The following BIRC6 variants were observed in gnomAD, a reference collection of about 807,000 sequenced individuals.
BIRC6 encodes baculoviral IAP repeat containing 6.
A neutral mutation model predicts 503.3 loss-of-function variants in BIRC6; 98 were observed. The ratio of observed to expected loss-of-function variants is 0.19; its 90% CI spans 0.17 to 0.23. The LOEUF (loss-of-function observed/expected upper bound fraction) is 0.23. Ranked by LOEUF, BIRC6 falls within the 10% of genes least tolerant of loss-of-function variation. The probability of loss-of-function intolerance (pLI) is 1.00; values close to 1 mark genes in which losing one functional copy is unlikely to be tolerated. For missense variants in BIRC6, 5,360 were observed against 5,806.0 expected, an observed-to-expected ratio of 0.92 and a Z score of 2.50; for synonymous variants, 2,240 against 2,078.7, an observed-to-expected ratio of 1.08 and a Z score of -2.11.
At chr2:32,437,800 T>C (rs2044896747) in intron 15 of BIRC6, among the ~76,000 whole-genome samples, 1 of 152,222 alleles carries the variant, frequency 6.6e-6, no homozygotes, top group African/African-American at 2.4e-5. Flanking sequence ...TTGTGCTTTC[T>C]TATTGTCATT....
chr2:32,398,869 A>G (rs2040279871), intron 6 of BIRC6, among the ~76,000 whole-genome samples: 1 of 152,100 alleles, frequency 6.6e-6, no homozygotes, highest in African/African-American at 2.4e-5. Context: ...GTGCACTGTA[A>G]AAGGATTTAG....
intron 22 of BIRC6, among the ~76,000 whole-genome samples, chr2:32,453,293 A>T (rs2046906213): frequency 6.6e-6 from 1 of 152,180 alleles, no homozygotes; most frequent in African/African-American, 2.4e-5. Flanking sequence ...TATAAAACTG[A>T]TAATATGAAC....
intron 49 of BIRC6, among the ~76,000 whole-genome samples, chr2:32,504,554 C>G (rs1011325830): frequency 2.0e-5 from 3 of 151,942 alleles, no homozygotes; most frequent in African/African-American, 7.3e-5. Flanking sequence ...GTAGTCCCAG[C>G]TACTCGGGAG....
At chr2:32,369,025 G>T (rs985086820) in intron 1 of BIRC6, among the ~76,000 whole-genome samples, 1 of 152,152 alleles carries the variant, frequency 6.6e-6, no homozygotes, top group Non-Finnish European at 1.5e-5. Flanking sequence ...GAGGATGATG[G>T]TATATTAAAT....
intron 66 of BIRC6, among the ~76,000 whole-genome samples, chr2:32,582,464 TG>T (rs1265479242): frequency 1.3e-5 from 2 of 152,098 alleles, no homozygotes; most frequent in Non-Finnish European, 2.9e-5. Flanking sequence ...CCAAAGGTTT[TG>T]GTAAGAATGA....
In BIRC6 at chr2:32,468,803, A is replaced by G. The variant is rs768571541; in HGVS notation, c.6127+20A>G. ...CTAATGGTTTGTATTTGGCTTACAT[A>G]TTTTAAAGGCTGGGAATATACTTGA... On this transcript the variant is annotated intron_variant, in intron 29 of 73. Coordinates refer to ENST00000421745, the MANE Select transcript of BIRC6 (RefSeq NM_016252.4). 1 of 1,522,684 alleles carries G rather than the reference A, an allele frequency of 6.6e-7. No individual in the cohort carries two copies. Among genetic ancestry groups the G allele is most frequent in the Non-Finnish European group, 8.9e-7 (1 of 1,117,890 alleles). The allele number at this position is 1,522,684 out of a possible 1,614,324, so 94.3% of individuals were successfully genotyped here. A position where few individuals can be genotyped will look rare whatever the true frequency, so the allele number is the denominator to read the frequency against.
At chr2:32,510,109 G>A in intron 52 of BIRC6, 115 bp downstream of exon 52, 1 of 1,220,614 alleles carries the variant, frequency 8.2e-7, no homozygotes, top group African/African-American at 1.5e-5. Flanking sequence ...TTTAGTTTAT[G>A]TTTATCTCTC....
intron 65 of BIRC6, among the ~76,000 whole-genome samples, chr2:32,550,209 A>G (rs1572953161): frequency 1.3e-5 from 2 of 152,158 alleles, no homozygotes; most frequent in South Asian, 2.1e-4. Flanking sequence ...GAAAATTTAC[A>G]TGTATATTTC....
intron 6 of BIRC6, among the ~76,000 whole-genome samples, chr2:32,400,295 A>G (rs2040452227): frequency 6.7e-6 from 1 of 148,298 alleles, no homozygotes; most frequent in African/African-American, 2.5e-5. Context: ...TTCTTAATAT[A>G]TATTATTTTA....
At chr2:32,544,131 G>A (rs186654049) in intron 62 of BIRC6, among the ~76,000 whole-genome samples, 4 of 152,262 alleles carry the variant, frequency 2.6e-5, no homozygotes, top group Admixed American at 1.3e-4. Context: ...AGGGAGCATT[G>A]TGAGCATTTT....
intron 1 of BIRC6, among the ~76,000 whole-genome samples, chr2:32,364,646 C>G (rs572118985): frequency 6.6e-6 from 1 of 151,946 alleles, no homozygotes; most frequent in South Asian, 2.1e-4. Context: ...TTTTTAGAGT[C>G]AGTCCCTCAG....
chr2:32,422,899 T>G (rs1020300206), intron 10 of BIRC6, among the ~76,000 whole-genome samples: 1 of 152,192 alleles, frequency 6.6e-6, no homozygotes, highest in Non-Finnish European at 1.5e-5. Flanking sequence ...GCTATAAACG[T>G]CTTGTGTAAG....
At chr2:32,481,171 T>C (rs1413669340) in intron 37 of BIRC6, 149 bp from the exon 38 acceptor site, 4 of 600,252 alleles carry the variant, frequency 6.7e-6, no homozygotes, top group Non-Finnish European at 1.1e-5. Flanking sequence ...TATCGTGTAT[T>C]ATGGAGCGAA....
intron 65 of BIRC6, among the ~76,000 whole-genome samples, chr2:32,561,232 T>C (rs1355796617): frequency 6.8e-6 from 1 of 147,144 alleles, no homozygotes; most frequent in Non-Finnish European, 1.5e-5. Flanking sequence ...GTAACATACT[T>C]TTTTTTTTTT....
At chr2:32,518,793 T>C in intron 56 of BIRC6, 24 bp from the exon 57 acceptor site, 15 of 1,606,810 alleles carry the variant, frequency 9.3e-6, no homozygotes, top group African/African-American at 1.3e-5. Flanking sequence ...TACTTCCTGA[T>C]TTCTTTGATT....
At chr2:32,438,248 G>A (rs959109267) in intron 15 of BIRC6, among the ~76,000 whole-genome samples, 1 of 152,158 alleles carries the variant, frequency 6.6e-6, no homozygotes, top group Non-Finnish European at 1.5e-5. Flanking sequence ...TTTTGGACGA[G>A]TAAAGGGGTA....
intron 38 of BIRC6, 26 bp from the exon 39 acceptor site, chr2:32,482,403 C>G (rs749351696): frequency 5.0e-6 from 8 of 1,592,564 alleles, no homozygotes; most frequent in Non-Finnish European, 6.8e-6. Flanking sequence ...AAAAATAAAC[C>G]ACAGTTTTTT....
Position 32,598,547 on chromosome 2 carries a change from A to T in BIRC6, c.13830+579A>T, listed in dbSNP as rs189629547. Among the ~76,000 whole-genome samples the T allele has an allele frequency of 3.3e-5, 5 of 152,288 alleles. No homozygotes were observed. The East Asian group carries it at 9.7e-4, about 29-fold the overall frequency. ...TATAATCTCTACTTTTATGTTTAAC[A>T]CGTGATAATCTGGCCTTAAATTCCA... On this transcript the variant is annotated intron_variant, in intron 69 of 73. Transcript: ENST00000421745.
At chr2:32,593,337 G>T (rs983332321) in intron 66 of BIRC6, among the ~76,000 whole-genome samples, 2 of 152,086 alleles carry the variant, frequency 1.3e-5, no homozygotes, top group East Asian at 3.9e-4. Context: ...ATCCTATTGT[G>T]ATAACAATGT....
Sources: allele counts gnomAD v4.1 joint callset (sites outside exome capture counted in the v4.1 genomes callset), GRCh38; gene constraint gnomAD v4.1.1; transcripts MANE v1.5; gene names NCBI Gene and HGNC (gene_info 2026-07-23, HGNC 2026-07-21).